Variants in FOXJ3 observed in about 807,000 individuals in gnomAD.
FOXJ3 encodes the protein forkhead box protein J3.
Under a neutral mutation model 76.1 loss-of-function variants are expected in FOXJ3, and 22 were observed. That is an observed-to-expected ratio of 0.29 (90% CI 0.21 to 0.41). The LOEUF is 0.41. Ranked by LOEUF, FOXJ3 falls within the 10% of genes least tolerant of loss-of-function variation. The probability of loss-of-function intolerance (pLI) is 1.00; values close to 1 mark genes in which losing one functional copy is unlikely to be tolerated. For synonymous variants in FOXJ3, 269 were observed against 261.2 expected (o/e 1.03, Z -0.29); for missense variants, 613 against 762.1 (o/e 0.80, Z 2.30).
At chr1:42,205,061 T>C (rs1646835338) in intron 6 of FOXJ3, among the ~76,000 whole-genome samples, 2 of 152,016 alleles carry the variant, frequency 1.3e-5, no homozygotes, top group Non-Finnish European at 2.9e-5. Flanking sequence ...TAAGCATAAG[T>C]GTGAGAGATA....
chr1:42,223,556 G>A (rs548179303), intron 5 of FOXJ3, among the ~76,000 whole-genome samples: 6 of 152,046 alleles, frequency 3.9e-5, no homozygotes, highest in East Asian at 1.9e-4. Flanking sequence ...CATTTTCTAC[G>A]CAAAAACAGC....
chr1:42,196,345 C>T (rs368051667), intron 7 of FOXJ3, among the ~76,000 whole-genome samples: 5 of 152,298 alleles, frequency 3.3e-5, no homozygotes, highest in Non-Finnish European at 5.9e-5. Context: ...CCAGCAGCTG[C>T]CATTGCACTG....
chr1:42,334,664 C>T (rs1656361928), intron 1 of FOXJ3, among the ~76,000 whole-genome samples: 2 of 152,330 alleles, frequency 1.3e-5, no homozygotes, highest in Admixed American at 6.5e-5. Flanking sequence ...CGCAGAGTGC[C>T]GGGGTCGGGG....
intron 1 of FOXJ3, among the ~76,000 whole-genome samples, chr1:42,331,758 A>G (rs1410206032): frequency 6.6e-6 from 1 of 152,156 alleles, no homozygotes; most frequent in African/African-American, 2.4e-5. Flanking sequence ...AATACACTAA[A>G]AACCACTGAC....
At chr1:42,303,930 G>A (rs529684173) in intron 2 of FOXJ3, among the ~76,000 whole-genome samples, 182 of 152,018 alleles carry the variant, frequency 1.2e-3, no homozygotes, top group African/African-American at 4.2e-3. Context: ...TCAAGTAATC[G>A]GACAAGAGAA....
chr1:42,300,216 A>G (rs1247672817), intron 2 of FOXJ3, among the ~76,000 whole-genome samples: 1 of 152,136 alleles, frequency 6.6e-6, no homozygotes, highest in Non-Finnish European at 1.5e-5. Context: ...AAATAGAGAC[A>G]GAGATATAGA....
chr1:42,318,718 C>G (rs1008264857), intron 1 of FOXJ3, among the ~76,000 whole-genome samples: 1 of 152,168 alleles, frequency 6.6e-6, no homozygotes, highest in Non-Finnish European at 1.5e-5. Flanking sequence ...CACAAAGTAA[C>G]AAGTGTTGCA....
At chr1:42,272,886 C>A (rs890026254) in intron 3 of FOXJ3, among the ~76,000 whole-genome samples, 1 of 152,198 alleles carries the variant, frequency 6.6e-6, no homozygotes, top group African/African-American at 2.4e-5. Context: ...TTCTCTACTG[C>A]AAGCCACTAT....
chr1:42,224,138 C>T (rs1647359800), intron 5 of FOXJ3, among the ~76,000 whole-genome samples: 1 of 152,122 alleles, frequency 6.6e-6, no homozygotes, highest in Admixed American at 6.6e-5. Flanking sequence ...CCAAAAGTCA[C>T]AGGAACTAGT....
At chr1:42,274,753 CA>C (rs1652130940) in intron 3 of FOXJ3, among the ~76,000 whole-genome samples, 1 of 150,808 alleles carries the variant, frequency 6.6e-6, no homozygotes, top group South Asian at 2.1e-4. Flanking sequence ...GATTTCTGAA[CA>C]AAAAAACTCT....
At chr1:42,243,641 C>CT (rs2124533407) in intron 4 of FOXJ3, among the ~76,000 whole-genome samples, 1 of 152,216 alleles carries the variant, frequency 6.6e-6, no homozygotes, top group East Asian at 1.9e-4. Context: ...TTAAAACAGA[C>CT]TTTAAGTCAA....
chr1:42,205,455 T>A (rs904948175), intron 6 of FOXJ3, among the ~76,000 whole-genome samples: 1 of 152,310 alleles, frequency 6.6e-6, no homozygotes, highest in South Asian at 2.1e-4. Context: ...TTAACAATTC[T>A]GAAACAAATT....
chr1:42,315,296 A>T, intron 1 of FOXJ3: 1 of 388,134 alleles, frequency 2.6e-6, no homozygotes, highest in Non-Finnish European at 3.5e-6. Flanking sequence ...ATTAAAAACT[A>T]CTGAATTGTA....
At chr1:42,222,106 A>AAGAAGAAGG (rs1190783190) in intron 5 of FOXJ3, among the ~76,000 whole-genome samples, 1 of 147,052 alleles carries the variant, frequency 6.8e-6, no homozygotes, top group Non-Finnish European at 1.5e-5. Flanking sequence ...GAAGAAGAAG[A>AAGAAGAAGG]AGAAATAAAA....
At chr1:42,211,286 A>T (rs1240679811) in intron 5 of FOXJ3, among the ~76,000 whole-genome samples, 1 of 152,122 alleles carries the variant, frequency 6.6e-6, no homozygotes, top group Non-Finnish European at 1.5e-5. Context: ...CTCCAGATTC[A>T]GGCTTCCATG....
intron 4 of FOXJ3, among the ~76,000 whole-genome samples, chr1:42,236,048 C>T (rs956972928): frequency 2.6e-5 from 4 of 152,174 alleles, no homozygotes; most frequent in African/African-American, 9.6e-5. Context: ...CTCACAAAAA[C>T]TGAACTGCCA....
At chr1:42,324,047 G>A (rs1298409616) in intron 1 of FOXJ3, among the ~76,000 whole-genome samples, 2 of 124,462 alleles carry the variant, frequency 1.6e-5, no homozygotes, top group African/African-American at 6.4e-5. Context: ...ACTATATATA[G>A]TATATACACT....
At chr1:42,237,405 C>CATACATATATAT (rs1256003745) in intron 4 of FOXJ3, among the ~76,000 whole-genome samples, 1 of 140,772 alleles carries the variant, frequency 7.1e-6, no homozygotes, top group South Asian at 2.3e-4. Flanking sequence ...TACATACATA[C>CATACATATATAT]ATATATATAT....
intron 5 of FOXJ3, among the ~76,000 whole-genome samples, chr1:42,224,106 G>C (rs763865623): frequency 6.6e-6 from 1 of 152,182 alleles, no homozygotes; most frequent in Non-Finnish European, 1.5e-5. Flanking sequence ...GAATACTGAA[G>C]TGCAAAGAAT....
Sources: gnomAD v4.1 joint callset for allele counts (sites outside exome capture counted in the v4.1 genomes callset) on GRCh38, gnomAD v4.1.1 for gene constraint, MANE v1.5 for transcripts, NCBI Gene and HGNC (gene_info 2026-07-23, HGNC 2026-07-21) for gene names.